The following FBXW4 variants were observed in gnomAD, a reference collection of about 807,000 sequenced individuals.
FBXW4 encodes the protein F-box and WD repeat domain containing 4.
FBXW4 carries 40 observed loss-of-function variants against 61.8 expected under a neutral mutation model. That is an observed-to-expected ratio of 0.65 (90% CI 0.50 to 0.84). FBXW4 has a LOEUF of 0.84. Ranked by LOEUF, FBXW4 falls within the 40% of genes least tolerant of loss-of-function variation. FBXW4 has a pLI of 0.00. For missense variants in FBXW4, 672 were observed against 753.8 expected, an observed-to-expected ratio of 0.89 and a Z score of 1.27; for synonymous variants, 311 against 313.8, an observed-to-expected ratio of 0.99 and a Z score of 0.10.
At chr10:101,685,504 C>T (rs1248473301) in intron 1 of FBXW4, among the ~76,000 whole-genome samples, 1 of 152,136 alleles carries the variant, frequency 6.6e-6, no homozygotes, top group African/African-American at 2.4e-5. Context: ...AAATATTGCC[C>T]ATGATACAAT....
In FBXW4 at chr10:101,676,377, C is replaced by T. The variant is rs149070050; in HGVS notation, c.785G>A (p.Arg262His). The T allele has an allele frequency of 2.8e-5, 45 of 1,613,602 alleles. No individual in the cohort carries two copies. Among genetic ancestry groups the T allele is most frequent in the East Asian group, 4.5e-5 (2 of 44,876 alleles). ...VKVSQNWRLG[R>H]CREGILLKWR... ...CTTCAGCAGAATCCCCTCTCGGCAG[C>T]GCCCCAGTCTCCAGTTCTGAGACAC... Residue 262 changes from arginine to histidine, a missense_variant, in exon 2 of 9, where the codon CGC (arginine) becomes CAC (histidine). By Grantham distance (29) the Arg-to-His change is conservative. This residue lies in a region of FBXW4 where 311 missense variants were observed against 301.1 expected (regional missense o/e 1.03). Coordinates refer to ENST00000331272, the MANE Select transcript of FBXW4 (RefSeq NM_022039.4).
At position 101,611,253 on chromosome 10, in the gene FBXW4, T is replaced by A. The variant is rs1192859517; in HGVS notation, c.*38A>T. On this transcript the variant is annotated 3_prime_UTR_variant, in exon 9 of 9. Coordinates refer to ENST00000331272, the MANE Select transcript of FBXW4 (RefSeq NM_022039.4). The surrounding 1 kb of genome is among the most constrained non-coding windows in gnomAD (Gnocchi z 4.9). ...CAGGCAAGAGAAGTCCCTGAGTAGC[T>A]GGTTTCCCTGGCCCAGAGGCAGGGG... 2 of 1,603,890 alleles carry A rather than the reference T, an allele frequency of 1.2e-6. 1 individual carries two copies. The highest frequency in any genetic ancestry group is 3.4e-5 in the Admixed American group (2 of 59,270).
chr10:101,663,748 G>A (rs1312552580), intron 5 of FBXW4, among the ~76,000 whole-genome samples: 1 of 151,846 alleles, frequency 6.6e-6, no homozygotes, highest in Non-Finnish European at 1.5e-5. Context: ...AGGTATTCCT[G>A]CCCCATAATT....
intron 5 of FBXW4, among the ~76,000 whole-genome samples, chr10:101,648,684 AG>A (rs1454923605): frequency 6.6e-6 from 1 of 152,218 alleles, no homozygotes; most frequent in African/African-American, 2.4e-5. Flanking sequence ...CATGAGGAGA[AG>A]ATCCTGTGTA....
intron 6 of FBXW4, among the ~76,000 whole-genome samples, chr10:101,620,185 G>A (rs537891919): frequency 6.6e-6 from 1 of 152,348 alleles, no homozygotes; most frequent in South Asian, 2.1e-4. Flanking sequence ...CCAACCCCAA[G>A]TCCTGCCGGC....
chr10:101,683,119 GAAGAA>G (rs2064496101), intron 1 of FBXW4, among the ~76,000 whole-genome samples: 1 of 152,224 alleles, frequency 6.6e-6, no homozygotes, highest in African/African-American at 2.4e-5. Flanking sequence ...CAAGGCAGCA[GAAGAA>G]AAGTACCTGA....
At chr10:101,668,097 C>T in intron 4 of FBXW4, 117 bp from the exon 5 acceptor site, 1 of 760,890 alleles carries the variant, frequency 1.3e-6, no homozygotes, top group South Asian at 1.5e-5. Flanking sequence ...TTATGCCCTG[C>T]ACACACAGAG....
At chr10:101,682,772 GCAT>G (rs1172838423) in intron 1 of FBXW4, among the ~76,000 whole-genome samples, 1 of 151,662 alleles carries the variant, frequency 6.6e-6, no homozygotes, top group Non-Finnish European at 1.5e-5. Flanking sequence ...GCAGGTGCAG[GCAT>G]CCTCTCCCAA....
At chr10:101,622,727 C>CAAAAAAAAA (rs61319559) in intron 6 of FBXW4, 1 of 48,378 alleles carries the variant, frequency 2.1e-5, no homozygotes, top group African/African-American at 8.4e-5. Context: ...GACTTCATCT[C>CAAAAAAAAA]AAAAAAAAAA....
At chr10:101,646,500 C>A (rs2064098181) in intron 5 of FBXW4, among the ~76,000 whole-genome samples, 1 of 152,220 alleles carries the variant, frequency 6.6e-6, no homozygotes, top group Non-Finnish European at 1.5e-5. Context: ...CTCCAGAAAG[C>A]ATTTCCCCCA....
At chr10:101,613,205 G>C (rs1339632883) in intron 6 of FBXW4, 1 of 152,246 alleles carries the variant, frequency 6.6e-6, no homozygotes, top group Admixed American at 6.5e-5. Flanking sequence ...CTTTGTGACT[G>C]TGTAATTCCC....
Position 101,667,937 on chromosome 10 carries a change from G to A in FBXW4, c.1184C>T (p.Thr395Ile), listed in dbSNP as rs768962263. 28 of 1,614,132 alleles carry A rather than the reference G, an allele frequency of 1.7e-5. No individual in the cohort carries two copies. The highest frequency in any genetic ancestry group is 2.4e-5 in the Non-Finnish European group (28 of 1,180,034). Residue 395 changes from threonine (T) to isoleucine (I), a missense_variant, in exon 5 of 9, where the codon ACC becomes ATC. Thr to Ile is a moderately conservative substitution (Grantham distance 89). Transcript: ENST00000331272. ...CCAGACTCGGTCTTCAGTCTGGATG[G>A]TGTGTAAGCACTGCCCCAGCCGGCC... The part of the protein sequence containing the change: ...ASGRLGQCLH[T>I]IQTEDRVWSI...
intron 5 of FBXW4, chr10:101,660,212 T>C: frequency 3.0e-6 from 3 of 985,304 alleles, no homozygotes; most frequent in Non-Finnish European, 3.6e-6. Flanking sequence ...ATCCTGACTA[T>C]TACATCTTGT....
intron 1 of FBXW4, among the ~76,000 whole-genome samples, chr10:101,693,468 TTAGGA>T (rs2064633649): frequency 6.6e-6 from 1 of 152,208 alleles, no homozygotes. Context: ...ACCTATTCTG[TTAGGA>T]TCAGTAAGAT....
intron 5 of FBXW4, among the ~76,000 whole-genome samples, chr10:101,631,666 C>T (rs181476366): frequency 8.1e-5 from 12 of 148,956 alleles, no homozygotes; most frequent in African/African-American, 3.0e-4. Flanking sequence ...CTCGCTCTGT[C>T]GCCTAGGCTG....
rs190471765 is a variant in FBXW4, at chr10:101,647,721, G to C, written c.1235+20165C>G. Among the ~76,000 whole-genome samples the C allele has an allele frequency of 9.9e-4, 151 of 152,294 alleles. 1 individual carries two copies. Among genetic ancestry groups the C allele is most frequent in the Admixed American group, 1.8e-3 (27 of 15,290 alleles). Reference sequence around the variant, plus strand: ...ACCTTTCAGAAGAATGATAAGAAAGGTCACAAATTTGCAAATACACTTGAC... The same window carrying C: ...ACCTTTCAGAAGAATGATAAGAAAGCTCACAAATTTGCAAATACACTTGAC... On this transcript the variant is annotated intron_variant, in intron 5 of 8. Coordinates refer to ENST00000331272, the MANE Select transcript of FBXW4 (RefSeq NM_022039.4).
At chr10:101,636,824 G>A (rs1328606604) in intron 5 of FBXW4, among the ~76,000 whole-genome samples, 1 of 151,850 alleles carries the variant, frequency 6.6e-6, no homozygotes, top group African/African-American at 2.4e-5. Context: ...CCTGACCTCA[G>A]GTGATCCACC....
chr10:101,686,620 G>A (rs1223370093), intron 1 of FBXW4, among the ~76,000 whole-genome samples: 4 of 152,128 alleles, frequency 2.6e-5, no homozygotes, highest in Non-Finnish European at 2.9e-5. Flanking sequence ...TGAAATGTGA[G>A]AAATAATTAC....
chr10:101,692,995 GA>G (rs2064627866), intron 1 of FBXW4, among the ~76,000 whole-genome samples: 1 of 152,132 alleles, frequency 6.6e-6, no homozygotes, highest in African/African-American at 2.4e-5. Flanking sequence ...AAATTTATAG[GA>G]AAAACAAGAA....
Sources: gnomAD v4.1 joint callset for allele counts (sites outside exome capture counted in the v4.1 genomes callset) on GRCh38, gnomAD v4.1.1 for gene constraint, gnomAD v4.1.1 regional missense constraint, Gnocchi (gnomAD v3.1) non-coding constraint, MANE v1.5 for transcripts, NCBI Gene and HGNC (gene_info 2026-07-23, HGNC 2026-07-21) for gene names.